The following RELN variants were observed in gnomAD, a reference collection of about 807,000 sequenced individuals.
RELN encodes the protein reelin.
RELN carries 108 observed loss-of-function variants against 427.6 expected under a neutral mutation model. The ratio of observed to expected loss-of-function variants is 0.25; its 90% CI spans 0.22 to 0.30. RELN has a LOEUF of 0.30. Among genes scored for constraint, RELN ranks in the 10% least tolerant of loss-of-function variants. The pLI is 1.00. For missense variants in RELN, 3,715 were observed against 4,302.8 expected (o/e 0.86, Z 3.82); for synonymous variants, 1,524 against 1,513.4 (o/e 1.01, Z -0.16).
At chr7:103,810,560 C>T (rs1792714943) in intron 3 of RELN, among the ~76,000 whole-genome samples, 1 of 152,208 alleles carries the variant, frequency 6.6e-6, no homozygotes, top group South Asian at 2.1e-4. Context: ...CACAGGACTA[C>T]ACAGCAGGCC....
chr7:103,809,434 C>T (rs1237583937), intron 3 of RELN, among the ~76,000 whole-genome samples: 6 of 151,354 alleles, frequency 4.0e-5, no homozygotes, highest in Admixed American at 4.0e-4. Flanking sequence ...ACCACCTGTG[C>T]TACAGGCCTC....
In RELN at chr7:103,486,421, A is replaced by C. The variant is rs770978485; in HGVS notation, c.9764-5T>G. The C allele has an allele frequency of 6.2e-7, 1 of 1,609,492 alleles. No individual in the cohort carries two copies. The highest frequency in any genetic ancestry group is 1.3e-5 in the African/African-American group (1 of 74,850). ...TGAAAACAGAGCAGTCATCACCTAG[A>C]GGACAAGGAGCAGTCACAGAAATTA... On this transcript the variant is annotated splice_region_variant and splice_polypyrimidine_tract_variant and intron_variant, in intron 60 of 64. Coordinates refer to ENST00000428762, the MANE Select transcript of RELN (RefSeq NM_005045.4).
rs1172179597 is a variant in RELN, at chr7:103,553,572, C to T, written c.5970-9G>A. On this transcript the variant is annotated splice_polypyrimidine_tract_variant and intron_variant, in intron 39 of 64. Coordinates refer to ENST00000428762, the MANE Select transcript of RELN (RefSeq NM_005045.4). ...TAGCTGAATCTTCTTCACTGTTACA[C>T]AGGAAAACAACCAGGAATCCATTTA... The T allele has an allele frequency of 6.2e-7, 1 of 1,613,700 alleles. No individual in the cohort carries two copies. The highest frequency in any genetic ancestry group is 8.5e-7 in the Non-Finnish European group (1 of 1,179,784).
intron 10 of RELN, among the ~76,000 whole-genome samples, chr7:103,694,323 C>T (rs977433288): frequency 6.6e-6 from 1 of 152,068 alleles, no homozygotes; most frequent in Non-Finnish European, 1.5e-5. Context: ...AAAGTCAGTT[C>T]CTGGATTTGA....
intron 1 of RELN, among the ~76,000 whole-genome samples, chr7:103,939,358 A>G (rs1796060857): frequency 6.6e-6 from 1 of 152,240 alleles, no homozygotes; most frequent in African/African-American, 2.4e-5. Flanking sequence ...AACATGTTCA[A>G]TAAACATATA....
chr7:103,497,532 ATGTATTTCTTAAT>A (rs796149483), intron 55 of RELN, among the ~76,000 whole-genome samples: 16 of 152,342 alleles, frequency 1.1e-4, no homozygotes, highest in African/African-American at 3.6e-4. Context: ...ATCATACAAA[ATGTATTTCTTAAT>A]TGTATCACTC....
intron 25 of RELN, among the ~76,000 whole-genome samples, chr7:103,594,817 G>A (rs1307774812): frequency 6.6e-6 from 1 of 152,048 alleles, no homozygotes; most frequent in Non-Finnish European, 1.5e-5. Context: ...AGATAAAATT[G>A]TTTAATACTA....
intron 2 of RELN, among the ~76,000 whole-genome samples, chr7:103,859,683 A>T (rs184185913): frequency 6.6e-6 from 1 of 152,344 alleles, no homozygotes; most frequent in East Asian, 1.9e-4. Context: ...CACACACTAT[A>T]TCCAATTTCA....
intron 38 of RELN, among the ~76,000 whole-genome samples, chr7:103,556,765 C>T (rs924239893): frequency 1.3e-5 from 2 of 152,268 alleles, no homozygotes; most frequent in Middle Eastern, 3.4e-3. Flanking sequence ...AGTGTAAGTC[C>T]GATTAAACCT....
chr7:103,872,930 T>C (rs1044464300), intron 2 of RELN, among the ~76,000 whole-genome samples: 6 of 151,736 alleles, frequency 4.0e-5, no homozygotes, highest in Admixed American at 6.6e-5. Context: ...TTTTTGTAAA[T>C]TTGTTTGAGT....
At chr7:103,728,033 G>T in intron 7 of RELN, 78 bp downstream of exon 7, 1 of 1,327,780 alleles carries the variant, frequency 7.5e-7, no homozygotes, top group Non-Finnish European at 1.1e-6. Context: ...AACTTTAAGA[G>T]CATAAGAAAA....
At chr7:103,896,476 C>T (rs1456879942) in intron 2 of RELN, among the ~76,000 whole-genome samples, 1 of 151,998 alleles carries the variant, frequency 6.6e-6, no homozygotes, top group Non-Finnish European at 1.5e-5. Flanking sequence ...AAAGAACAAA[C>T]TACTGAGTAA....
In RELN at chr7:103,566,374, T is replaced by C. The variant is rs1355967275; in HGVS notation, c.4786A>G (p.Ile1596Val). 6.2e-7 allele frequency: 1 copy of C among 1,614,110 alleles called. No individual in the cohort carries two copies. The highest frequency in any genetic ancestry group is 2.2e-5 in the East Asian group (1 of 44,878). The change falls in exon 33 of 65, where the codon ATA (isoleucine) becomes GTA (valine). Residue 1596 changes from isoleucine to valine, a missense_variant. Transcript: ENST00000428762. Reference sequence around the variant, plus strand: ...GTTTGAGAGCTGTCATTCATTCCTATAAGAACATCATCCAAAGCCCACTGG... The same window carrying C: ...GTTTGAGAGCTGTCATTCATTCCTACAAGAACATCATCCAAAGCCCACTGG... ...SAQWALDDVL[I>V]GMNDSSQTGF...
chr7:103,540,910 C>G (rs937033739), intron 43 of RELN, among the ~76,000 whole-genome samples: 1 of 152,210 alleles, frequency 6.6e-6, no homozygotes, highest in African/African-American at 2.4e-5. Context: ...ATTATTTCTT[C>G]TAAGGTTTCA....
chr7:103,532,694 T>A, intron 46 of RELN, among the ~76,000 whole-genome samples: 1 of 152,182 alleles, frequency 6.6e-6, no homozygotes, highest in East Asian at 1.9e-4. Flanking sequence ...TTGGCTGCTA[T>A]CCTTGCTTGG....
At chr7:103,507,484 T>C (rs1018945928) in intron 51 of RELN, among the ~76,000 whole-genome samples, 3 of 152,046 alleles carry the variant, frequency 2.0e-5, no homozygotes, top group Middle Eastern at 3.2e-3. Flanking sequence ...TTGAAACCAA[T>C]GAGAACAAAG....
chr7:103,556,553 A>G (rs1830525741), intron 38 of RELN, among the ~76,000 whole-genome samples: 1 of 152,056 alleles, frequency 6.6e-6, no homozygotes. Flanking sequence ...GTATTGTGGG[A>G]GGGACCCAGG....
rs1828622191 is a variant in RELN at position 103,490,772 on chromosome 7, A to G, written c.9501T>C (p.Ile3167=). ...CATGGAACTGGAAAGGGGAGCAGCC[A>G]ATGCTGTTAGAAGAGGAAGGAAGGC... is the stretch of plus-strand genomic sequence containing the variant. ...TQCLPSSSNS[I]GCSPFQFHEA... is the part of the protein sequence containing the mutation. Residue 3167 remains isoleucine (I), a synonymous_variant, in exon 59 of 65, where the codon ATT becomes ATC. Coordinates refer to ENST00000428762, the MANE Select transcript of RELN (RefSeq NM_005045.4). 1.2e-6 allele frequency: 2 copies of G among 1,614,222 alleles called. No individual in the cohort carries two copies. Among genetic ancestry groups the G allele is most frequent in the Non-Finnish European group, 1.7e-6 (2 of 1,180,042 alleles).
intron 1 of RELN, among the ~76,000 whole-genome samples, chr7:103,967,935 C>A (rs1796691277): frequency 6.6e-6 from 1 of 151,970 alleles, no homozygotes; most frequent in African/African-American, 2.4e-5. Context: ...CCTGTCGCAC[C>A]ATTTATTATT....
Sources: allele counts gnomAD v4.1 joint callset (sites outside exome capture counted in the v4.1 genomes callset), GRCh38; gene constraint gnomAD v4.1.1; transcripts MANE v1.5; gene names NCBI Gene and HGNC (gene_info 2026-07-23, HGNC 2026-07-21).